PAQR5: variants seen among roughly 807,000 people sequenced by gnomAD.
The protein encoded by PAQR5 is membrane progestin receptor gamma.
PAQR5 carries 20 observed loss-of-function variants against 34.5 expected under a neutral mutation model. That is an observed-to-expected ratio of 0.58 (90% CI 0.41 to 0.84). The LOEUF is 0.84. Ranked by LOEUF, PAQR5 falls within the 40% of genes least tolerant of loss-of-function variation. The pLI is 0.00. For missense variants in PAQR5, 378 were observed against 412.7 expected (o/e 0.92, Z 0.73); for synonymous variants, 131 against 155.6 (o/e 0.84, Z 1.18).
intron 3 of PAQR5, among the ~76,000 whole-genome samples, chr15:69,373,450 TAAATC>T (rs2055617772): frequency 6.6e-6 from 1 of 152,198 alleles, no homozygotes; most frequent in Admixed American, 6.5e-5. Context: ...TTCTACTTCT[TAAATC>T]AAAGACTGCA....
chr15:69,376,951 G>A (rs182040797), intron 3 of PAQR5, among the ~76,000 whole-genome samples: 6 of 152,262 alleles, frequency 3.9e-5, no homozygotes, highest in African/African-American at 1.4e-4. Context: ...TCCAGCCACT[G>A]CCACTGTGGC....
intron 1 of PAQR5, among the ~76,000 whole-genome samples, chr15:69,331,351 T>C (rs900003870): frequency 3.3e-5 from 5 of 152,204 alleles, no homozygotes; most frequent in Non-Finnish European, 5.9e-5. Flanking sequence ...AGAGTCTTGG[T>C]TTGAGAGACT....
At chr15:69,313,767 TG>T (rs534016873) in intron 1 of PAQR5, among the ~76,000 whole-genome samples, 1 of 150,158 alleles carries the variant, frequency 6.7e-6, no homozygotes, top group African/African-American at 2.5e-5. Flanking sequence ...CACCCTGGGG[TG>T]GGGGGGTGAC....
chr15:69,300,948 C>CTTCCT (rs2053583339), intron 1 of PAQR5, among the ~76,000 whole-genome samples: 1 of 3,626 alleles, frequency 2.8e-4, no homozygotes, highest in African/African-American at 4.5e-4. Context: ...TCTTTCTTTC[C>CTTCCT]TTCTTTCTTT....
intron 5 of PAQR5, among the ~76,000 whole-genome samples, chr15:69,386,868 C>T (rs946224311): frequency 2.6e-5 from 4 of 152,134 alleles, no homozygotes; most frequent in Non-Finnish European, 5.9e-5. Flanking sequence ...GCCCCTACAC[C>T]TGCTAGCCCT....
rs1453507905 is a variant in PAQR5, at chr15:69,384,677, G to A, written c.180G>A (p.Trp60Ter). The A allele has an allele frequency of 3.7e-6, 6 of 1,612,290 alleles. No homozygotes were observed. The highest frequency in any genetic ancestry group is 5.1e-6 in the Non-Finnish European group (6 of 1,178,482). ...GGTGAGTGAGCCCTCTGTGTTCCAG[G>A]TTCTTTGCATGGAGGTTTGTGACTG... ...LNIWTHLLPF[W>*]FFAWRFVTAL... The change falls in exon 5 of 9, where the codon TGG becomes TGA. Residue 60 changes from tryptophan (W) to a stop codon, truncating the protein, a stop_gained and splice_region_variant. Transcript: ENST00000395407. LOFTEE classifies it high-confidence loss of function.
chr15:69,317,958 G>A (rs1256146579), intron 1 of PAQR5, among the ~76,000 whole-genome samples: 1 of 152,160 alleles, frequency 6.6e-6, no homozygotes, highest in Non-Finnish European at 1.5e-5. Flanking sequence ...TCCACCTAAA[G>A]CACTGCCTCC....
At chr15:69,380,634 C>T (rs2055858576) in intron 4 of PAQR5, among the ~76,000 whole-genome samples, 1 of 152,096 alleles carries the variant, frequency 6.6e-6, no homozygotes, top group African/African-American at 2.4e-5. Context: ...AGGGGCCTTG[C>T]TGAGAAAGGT....
chr15:69,374,898 G>C (rs2055664226), intron 3 of PAQR5, among the ~76,000 whole-genome samples: 1 of 152,092 alleles, frequency 6.6e-6, no homozygotes, highest in Non-Finnish European at 1.5e-5. Flanking sequence ...ACGATGCTGG[G>C]GTGGGAGTCC....
rs374932459 is a variant in PAQR5, at chr15:69,403,785, G to A, written c.956G>A (p.Arg319Gln). The change falls in exon 9 of 9, where the codon CGG (arginine) becomes CAG (glutamine). Residue 319 changes from arginine to glutamine, a missense_variant. Coordinates refer to ENST00000395407, the MANE Select transcript of PAQR5 (RefSeq NM_017705.4). ...NIIYFSAALYRIPKPELHKKE... is the reference protein window; with the variant it reads ...NIIYFSAALYQIPKPELHKKE... The stretch of plus-strand genomic sequence containing the variant: ...ATTTATTTCTCAGCTGCTCTGTATC[G>A]GATTCCCAAGCCAGAATTACATAAA... 11 of 1,613,794 alleles carry A rather than the reference G, an allele frequency of 6.8e-6. No individual in the cohort carries two copies. The highest frequency in any genetic ancestry group is 4.5e-5 in the East Asian group (2 of 44,890).
chr15:69,379,589 A>G (rs1244079568), intron 3 of PAQR5: 10 of 985,166 alleles, frequency 1.0e-5, no homozygotes, highest in Admixed American at 1.2e-4. Flanking sequence ...ACGGATTCTT[A>G]GGCAAGATTC....
intron 1 of PAQR5, among the ~76,000 whole-genome samples, chr15:69,333,416 T>C (rs2054435234): frequency 6.6e-6 from 1 of 152,162 alleles, no homozygotes; most frequent in African/African-American, 2.4e-5. Flanking sequence ...AGGTAGGAAA[T>C]ATACTTTAGG....
intron 1 of PAQR5, among the ~76,000 whole-genome samples, chr15:69,309,432 G>C (rs1449468185): frequency 6.6e-6 from 1 of 152,100 alleles, no homozygotes; most frequent in East Asian, 1.9e-4. Flanking sequence ...TTAGATGGTT[G>C]AGGAATGGGC....
intron 3 of PAQR5, among the ~76,000 whole-genome samples, chr15:69,369,974 T>G (rs941747486): frequency 6.6e-6 from 1 of 152,184 alleles, no homozygotes; most frequent in Non-Finnish European, 1.5e-5. Flanking sequence ...CCCTCTGTTT[T>G]GGGGCTTTGT....
chr15:69,406,361 T>G lies in PAQR5; in HGVS notation c.*2539T>G, dbSNP rs1458140630. 6.6e-6 allele frequency: 1 copy of G among 152,256 alleles called. No individual in the cohort carries two copies. The allele number at this position is 152,256 out of a possible 1,614,324, so 9.4% of individuals were successfully genotyped here. Reference sequence around the variant, plus strand: ...CCATTCAGTTAACTTTACCTCCCTTTACCCATTGAAGGGGTTCCTTTTCCA... The same window carrying G: ...CCATTCAGTTAACTTTACCTCCCTTGACCCATTGAAGGGGTTCCTTTTCCA... On this transcript the variant is annotated 3_prime_UTR_variant, in exon 9 of 9. Coordinates refer to ENST00000395407, the MANE Select transcript of PAQR5 (RefSeq NM_017705.4).
intron 3 of PAQR5, among the ~76,000 whole-genome samples, chr15:69,370,593 C>T (rs1316797147): frequency 6.6e-6 from 1 of 152,172 alleles, no homozygotes; most frequent in African/African-American, 2.4e-5. Context: ...GATCTTGGCT[C>T]ACTGCAACAT....
chr15:69,357,092 C>T (rs142013798), intron 2 of PAQR5, among the ~76,000 whole-genome samples: 190 of 152,038 alleles, frequency 1.2e-3, no homozygotes, highest in Middle Eastern at 3.4e-3. Flanking sequence ...CTCCTGCTTT[C>T]GCCGTACAAC....
In PAQR5 at chr15:69,346,871, C is replaced by G. The variant is rs1595879905; in HGVS notation, c.-116+9370C>G. Among the ~76,000 whole-genome samples the G allele has an allele frequency of 2.0e-5, 3 of 151,664 alleles. No homozygotes were observed. The East Asian group carries it at 5.8e-4, about 29-fold the overall frequency. On this transcript the variant is annotated intron_variant, in intron 2 of 8. Coordinates refer to ENST00000395407, the MANE Select transcript of PAQR5 (RefSeq NM_017705.4). ...AGTCTCTGTCGCCCAGGCTGGAGTGCAGTGGTGCAATCTCCACTCACTGCA... is the reference window on the plus strand; with the variant it reads ...AGTCTCTGTCGCCCAGGCTGGAGTGGAGTGGTGCAATCTCCACTCACTGCA...
At chr15:69,365,509 CT>C (rs1175830629) in intron 3 of PAQR5, among the ~76,000 whole-genome samples, 2 of 152,178 alleles carry the variant, frequency 1.3e-5, no homozygotes, top group African/African-American at 2.4e-5. Flanking sequence ...GATTAATTTG[CT>C]AATGTTAAAC....
Sources: allele counts gnomAD v4.1 joint callset (sites outside exome capture counted in the v4.1 genomes callset), GRCh38; gene constraint gnomAD v4.1.1; transcripts MANE v1.5; gene names NCBI Gene and HGNC (gene_info 2026-07-23, HGNC 2026-07-21).